Variants in SRGAP2 observed in about 807,000 individuals in gnomAD.
The protein encoded by SRGAP2 is SLIT-ROBO Rho GTPase activating protein 2.
In SRGAP2, 15 loss-of-function variants were observed where a neutral mutation model predicts 57.2. The ratio of observed to expected loss-of-function variants is 0.26; its 90% CI spans 0.18 to 0.40. SRGAP2 has a LOEUF of 0.40. Among genes scored for constraint, SRGAP2 ranks in the 10% least tolerant of loss-of-function variants. SRGAP2 has a pLI of 1.00. For synonymous variants in SRGAP2, 249 were observed against 248.0 expected (o/e 1.00, Z -0.04); for missense variants, 520 against 669.6 (o/e 0.78, Z 2.47).
Position 206,461,076 on chromosome 1 carries a change from C to A in SRGAP2, c.2872C>A (p.Arg958=). ...AATGAACTCGGCCCTGAATGAGCTA[C>A]GGGAACTAGAACGGCAGAGCAGTGT... ...ATMNSALNEL[R]ELERQSSVKH... Residue 958 remains arginine, a synonymous_variant, in exon 23 of 23, where the codon CGG becomes AGG. Transcript: ENST00000573034. 1.3e-6 allele frequency: 1 copy of A among 741,732 alleles called. No homozygotes were observed. Among genetic ancestry groups the A allele is most frequent in the Admixed American group, 1.9e-5 (1 of 53,570 alleles). The allele number at this position is 741,732 out of a possible 1,614,324, so 45.9% of individuals were successfully genotyped here.
intron 2 of SRGAP2, among the ~76,000 whole-genome samples, chr1:206,279,295 C>T (rs1251600179): frequency 2.1e-5 from 1 of 48,240 alleles, no homozygotes; most frequent in Non-Finnish European, 3.6e-5. Context: ...CCTTTCCCTT[C>T]GTCTGCTTCA....
intron 2 of SRGAP2, among the ~76,000 whole-genome samples, chr1:206,272,902 G>A (rs1275902014): frequency 2.6e-5 from 4 of 152,086 alleles, no homozygotes; most frequent in Non-Finnish European, 5.9e-5. Context: ...AAGCGTTCAG[G>A]ATAGTGCTCT....
At chr1:206,311,360 C>G (rs1478398120) in intron 3 of SRGAP2, among the ~76,000 whole-genome samples, 1 of 152,134 alleles carries the variant, frequency 6.6e-6, no homozygotes, top group African/African-American at 2.4e-5. Context: ...AGAGAGATTT[C>G]TTCTGATTGG....
At chr1:206,440,838 C>G (rs1197102557) in intron 17 of SRGAP2, among the ~76,000 whole-genome samples, 3 of 152,220 alleles carry the variant, frequency 2.0e-5, no homozygotes, top group African/African-American at 7.2e-5. Context: ...AGCCACCGCA[C>G]CCGGCATGTT....
At chr1:206,344,523 G>A (rs1442371365) in intron 4 of SRGAP2, among the ~76,000 whole-genome samples, 1 of 141,702 alleles carries the variant, frequency 7.1e-6, no homozygotes, top group East Asian at 2.1e-4. Flanking sequence ...TCGTCTCTAT[G>A]ACCTTGACAG....
intron 19 of SRGAP2, 87 bp downstream of exon 19, chr1:206,450,552 G>A: frequency 1.4e-6 from 1 of 705,646 alleles, no homozygotes; most frequent in South Asian, 1.5e-5. Context: ...TGATGAACCT[G>A]TCTGCCCAGC....
chr1:206,222,651 AT>A (rs2102485459), intron 2 of SRGAP2, among the ~76,000 whole-genome samples: 1 of 145,460 alleles, frequency 6.9e-6, no homozygotes, highest in Non-Finnish European at 1.5e-5. Flanking sequence ...CCTGGGCAAC[AT>A]TTTGGAGATC....
chr1:206,440,825 G>A (rs1170509573), intron 17 of SRGAP2, among the ~76,000 whole-genome samples: 1 of 152,294 alleles, frequency 6.6e-6, no homozygotes, highest in East Asian at 1.9e-4. Context: ...GATTACAGGC[G>A]TGAGCCACCG....
At position 206,439,835 on chromosome 1, in the gene SRGAP2, C is replaced by T. The variant is rs987799887; in HGVS notation, c.1769-141C>T. On this transcript the variant is annotated intron_variant, in intron 16 of 22. Coordinates refer to ENST00000573034, the MANE Select transcript of SRGAP2 (RefSeq NM_015326.5). Reference sequence around the variant, plus strand: ...ACTCCAAGGAGCAACAGGGATGACACTCCTGTCACTGCACCAGTGCTGTGC... The same window carrying T: ...ACTCCAAGGAGCAACAGGGATGACATTCCTGTCACTGCACCAGTGCTGTGC... 17 of 626,516 alleles carry T rather than the reference C, an allele frequency of 2.7e-5. No homozygotes were observed. In the African/African-American group the frequency reaches 2.9e-4, roughly 11 times the overall value. The allele number at this position is 626,516 out of a possible 1,614,324, so 38.8% of individuals were successfully genotyped here.
intron 2 of SRGAP2, among the ~76,000 whole-genome samples, chr1:206,292,498 G>T (rs1263383872): frequency 1.3e-5 from 2 of 151,086 alleles, no homozygotes; most frequent in Non-Finnish European, 2.9e-5. Context: ...GTTCATCTGG[G>T]GTGATGCATA....
At chr1:206,238,711 TA>T (rs1553308490) in intron 2 of SRGAP2, among the ~76,000 whole-genome samples, 1 of 151,484 alleles carries the variant, frequency 6.6e-6, no homozygotes, top group East Asian at 1.9e-4. Flanking sequence ...AGAGAATTAA[TA>T]GGATCCTGTG....
At chr1:206,218,636 C>G (rs1666803485) in intron 2 of SRGAP2, among the ~76,000 whole-genome samples, 1 of 151,704 alleles carries the variant, frequency 6.6e-6, no homozygotes, top group Non-Finnish European at 1.5e-5. Context: ...GTGACTGGAT[C>G]ACTTTAATCA....
intron 2 of SRGAP2, among the ~76,000 whole-genome samples, chr1:206,285,525 G>T (rs1376947097): frequency 4.6e-5 from 7 of 152,192 alleles, no homozygotes; most frequent in Non-Finnish European, 5.9e-5. Context: ...GGTGGTGCGT[G>T]TGTCACTGGG....
intron 10 of SRGAP2, among the ~76,000 whole-genome samples, chr1:206,409,635 AGCT>A (rs1659009182): frequency 6.6e-6 from 1 of 151,972 alleles, no homozygotes; most frequent in African/African-American, 2.4e-5. Context: ...CACAAAAATT[AGCT>A]GGGTGTGGTG....
At chr1:206,424,192 C>A (rs561512436) in intron 13 of SRGAP2, among the ~76,000 whole-genome samples, 2 of 152,162 alleles carry the variant, frequency 1.3e-5, no homozygotes, top group Non-Finnish European at 2.9e-5. Flanking sequence ...TTTAAAGTTC[C>A]CTTAATCTGA....
rs1478187186 is a variant in SRGAP2, at chr1:206,373,022, TTTC to T, written c.424-10989_424-10987del. On this transcript the variant is annotated intron_variant, in intron 4 of 22. Coordinates refer to ENST00000573034, the MANE Select transcript of SRGAP2 (RefSeq NM_015326.5). ...CTTTCTTTCTTTCTTTCTTTCTTTCTTTCTTTTCTTTCTCTCTCTCTCTCTTTC... is the reference window on the plus strand; with the variant it reads ...CTTTCTTTCTTTCTTTCTTTCTTTCTTTTTCTTTCTCTCTCTCTCTCTTTC... Among the ~76,000 whole-genome samples the T allele has an allele frequency of 2.4e-3, 302 of 123,364 alleles. 5 individuals carry two copies. The highest frequency in any genetic ancestry group is 8.6e-3 in the African/African-American group (287 of 33,252). 80.9% of individuals were successfully genotyped at this position (123,364 alleles called of 152,430 possible).
intron 4 of SRGAP2, among the ~76,000 whole-genome samples, chr1:206,358,972 T>C (rs1418401512): frequency 5.3e-5 from 8 of 151,924 alleles, no homozygotes; most frequent in African/African-American, 1.9e-4. Context: ...TTGTTGTCTA[T>C]AGGATCTTGG....
intron 4 of SRGAP2, among the ~76,000 whole-genome samples, chr1:206,363,100 T>G (rs1677028770): frequency 6.6e-6 from 1 of 151,982 alleles, no homozygotes; most frequent in South Asian, 2.1e-4. Flanking sequence ...AAACCATTTA[T>G]GCAGAAAGCA....
At chr1:206,389,659 C>A (rs1412303081) in intron 5 of SRGAP2, among the ~76,000 whole-genome samples, 1 of 152,038 alleles carries the variant, frequency 6.6e-6, no homozygotes, top group African/African-American at 2.4e-5. Context: ...AGCTTCCATT[C>A]TTTTTGTTTT....
Sources: allele counts gnomAD v4.1 joint callset (sites outside exome capture counted in the v4.1 genomes callset), GRCh38; gene constraint gnomAD v4.1.1; transcripts MANE v1.5; gene names NCBI Gene and HGNC (gene_info 2026-07-23, HGNC 2026-07-21).